Variants in KIRREL3 observed in about 807,000 individuals in gnomAD.
KIRREL3 encodes the protein kin of IRRE-like protein 3.
KIRREL3 carries 36 observed loss-of-function variants against 89.7 expected under a neutral mutation model. The ratio of observed to expected loss-of-function variants is 0.40; its 90% CI spans 0.31 to 0.53. The LOEUF is 0.53. Among genes scored for constraint, KIRREL3 ranks in the 20% least tolerant of loss-of-function variants. The probability of loss-of-function intolerance (pLI) is 0.49; values close to 1 mark genes in which losing one functional copy is unlikely to be tolerated. For synonymous variants in KIRREL3, 445 were observed against 441.4 expected (o/e 1.01, Z -0.10); for missense variants, 864 against 1,056.6 (o/e 0.82, Z 2.53).
In KIRREL3 at chr11:126,428,926, C is replaced by T. The variant is rs963469579; in HGVS notation, c.1806+253G>A. Among the ~76,000 whole-genome samples the T allele has an allele frequency of 3.3e-5, 5 of 152,204 alleles. No homozygotes were observed. Among genetic ancestry groups the T allele is most frequent in the African/African-American group, 7.2e-5 (3 of 41,460 alleles). ...TCTCCCAAAGTGTTGGGATTGCAAG[C>T]GTGAGCCACTGCACCTGGCCTGGAC... On this transcript the variant is annotated intron_variant, in intron 15 of 16. Transcript: ENST00000525144. The surrounding 1 kb of genome is among the most constrained non-coding windows in gnomAD (Gnocchi z 6.4).
At chr11:126,851,260 G>GA (rs1944330280) in intron 1 of KIRREL3, among the ~76,000 whole-genome samples, 1 of 152,184 alleles carries the variant, frequency 6.6e-6, no homozygotes, top group Admixed American at 6.5e-5. Context: ...ACTTCACTTA[G>GA]ATGATGTGCT....
At position 126,900,782 on chromosome 11, in the gene KIRREL3, G is replaced by T. The variant is rs1481667758; in HGVS notation, c.55+99673C>A. On this transcript the variant is annotated intron_variant, in intron 1 of 16. Transcript: ENST00000525144. The surrounding 1 kb of genome is among the most constrained non-coding windows in gnomAD (Gnocchi z 4.4). ...AAAGTATTGATTGTATATCTTCAGG[G>T]CTGTTGAGCTCTTTCAGAGTATTCT... is the stretch of plus-strand genomic sequence containing the variant. Among the ~76,000 whole-genome samples the T allele has an allele frequency of 3.3e-5, 5 of 152,166 alleles. No homozygotes were observed. The highest frequency in any genetic ancestry group is 1.2e-4 in the African/African-American group (5 of 41,434).
In KIRREL3 at chr11:126,639,102, G is replaced by A. The variant is rs1394965077; in HGVS notation, c.56-76190C>T. On this transcript the variant is annotated intron_variant, in intron 1 of 16. Coordinates refer to ENST00000525144, the MANE Select transcript of KIRREL3 (RefSeq NM_032531.4). This position sits in a 1 kb window ranked among gnomAD's most constrained non-coding sequence, Gnocchi z 4.3. ...TTGCCAAAGTTTCCAGTTTCTTCAT[G>A]ACTTGGCCAGCCCCCCAATCATCCC... Among the ~76,000 whole-genome samples, 1 of 152,078 alleles carries A rather than the reference G, an allele frequency of 6.6e-6. No individual in the cohort carries two copies. The highest frequency in any genetic ancestry group is 1.5e-5 in the Non-Finnish European group (1 of 68,036).
chr11:126,483,817 G>C (rs572101037), intron 4 of KIRREL3, among the ~76,000 whole-genome samples: 2 of 152,282 alleles, frequency 1.3e-5, no homozygotes, highest in East Asian at 3.9e-4. Context: ...TAACTGGCTG[G>C]AATCCCAGCC....
chr11:126,880,039 C>T (rs572330870), intron 1 of KIRREL3, among the ~76,000 whole-genome samples: 38 of 152,292 alleles, frequency 2.5e-4, no homozygotes, highest in Admixed American at 4.6e-4. Flanking sequence ...TTTGGCTGCC[C>T]TACTTCTCTC....
rs192739553 is a variant in KIRREL3 at position 126,518,951 on chromosome 11, C to T, written c.433+2364G>A. ...CTGTCTTGCCTGGGGTTTTAGTTTG[C>T]TCAGGATGAATGGTTTTGGTGGAGC... On this transcript the variant is annotated intron_variant, in intron 4 of 16. Transcript: ENST00000525144. Among the ~76,000 whole-genome samples, 7 of 152,376 alleles carry T rather than the reference C, an allele frequency of 4.6e-5. No individual in the cohort carries two copies. The East Asian group carries it at 1.2e-3, about 25-fold the overall frequency.
At chr11:126,573,733 A>G (rs1257172185) in intron 1 of KIRREL3, among the ~76,000 whole-genome samples, 1 of 152,208 alleles carries the variant, frequency 6.6e-6, no homozygotes, top group Admixed American at 6.5e-5. Context: ...AGAGAGCTAG[A>G]TGGAGGCCCT....
intron 4 of KIRREL3, among the ~76,000 whole-genome samples, chr11:126,507,833 G>A (rs535584387): frequency 7.9e-5 from 12 of 152,304 alleles, no homozygotes; most frequent in Admixed American, 1.3e-4. Context: ...GGGAAGTCCC[G>A]GGGGACCCTG....
At chr11:126,937,854 G>A (rs1315608304) in intron 1 of KIRREL3, among the ~76,000 whole-genome samples, 1 of 152,166 alleles carries the variant, frequency 6.6e-6, no homozygotes, top group Non-Finnish European at 1.5e-5. Flanking sequence ...AGCAGGAATT[G>A]CACCACTGCA....
Position 126,578,455 on chromosome 11 carries a change from C to T in KIRREL3, c.56-15543G>A, listed in dbSNP as rs904740503. Among the ~76,000 whole-genome samples, 1 of 152,184 alleles carries T rather than the reference C, an allele frequency of 6.6e-6. No individual in the cohort carries two copies. The highest frequency in any genetic ancestry group is 1.5e-5 in the Non-Finnish European group (1 of 68,036). On this transcript the variant is annotated intron_variant, in intron 1 of 16. Coordinates refer to ENST00000525144, the MANE Select transcript of KIRREL3 (RefSeq NM_032531.4). This position sits in a 1 kb window ranked among gnomAD's most constrained non-coding sequence, Gnocchi z 4.9. ...ACTTCCACATGAACGTGACTCCGTG[C>T]CTACCTGCTAATAAGAGCGGGAGTG...
Position 126,459,535 on chromosome 11 carries a change from T to A in KIRREL3, c.743-3081A>T, listed in dbSNP as rs892994326. Among the ~76,000 whole-genome samples, 10 of 152,058 alleles carry A rather than the reference T, an allele frequency of 6.6e-5. No individual in the cohort carries two copies. The highest frequency in any genetic ancestry group is 2.2e-4 in the African/African-American group (9 of 41,374). ...TGTACAGAATATACATTTTCAGGAG[T>A]CTGCCAAGCTCCAGAGGTATAAATA... On this transcript the variant is annotated intron_variant, in intron 6 of 16. Coordinates refer to ENST00000525144, the MANE Select transcript of KIRREL3 (RefSeq NM_032531.4). The surrounding 1 kb of genome is among the most constrained non-coding windows in gnomAD (Gnocchi z 4.8).
At chr11:126,488,796 A>G (rs1292643982) in intron 4 of KIRREL3, among the ~76,000 whole-genome samples, 1 of 152,130 alleles carries the variant, frequency 6.6e-6, no homozygotes, top group African/African-American at 2.4e-5. Context: ...GATCCCCCCA[A>G]AATGACGATC....
Position 126,772,880 on chromosome 11 carries a change from C to A in KIRREL3, c.56-209968G>T, listed in dbSNP as rs1305312806. 6.6e-6 allele frequency among the ~76,000 whole-genome samples: 1 copy of A among 152,212 alleles called. No homozygotes were observed. Among genetic ancestry groups the A allele is most frequent in the East Asian group, 1.9e-4 (1 of 5,188 alleles). On this transcript the variant is annotated intron_variant, in intron 1 of 16. Transcript: ENST00000525144. The surrounding 1 kb of genome is among the most constrained non-coding windows in gnomAD (Gnocchi z 4.6). The stretch of plus-strand genomic sequence containing the variant: ...GGATCTTCATAATTTGGCCAGAAAC[C>A]TGCTTGGCCAACAATCTCCCCAGTG...
Position 126,982,083 on chromosome 11 carries a change from C to A in KIRREL3, c.55+18372G>T, listed in dbSNP as rs552779389. 2.6e-5 allele frequency among the ~76,000 whole-genome samples: 4 copies of A among 152,284 alleles called. No homozygotes were observed. In the South Asian group the frequency reaches 8.3e-4, roughly 32 times the overall value. On this transcript the variant is annotated intron_variant, in intron 1 of 16. Transcript: ENST00000525144. ...TTTTAATTCCCCAGAGCCCAGAGAT[C>A]CAGACCCAGCCTCAATGCTCCCACC... is the stretch of plus-strand genomic sequence containing the variant.
chr11:126,928,749 A>G (rs1231580412), intron 1 of KIRREL3, among the ~76,000 whole-genome samples: 1 of 151,984 alleles, frequency 6.6e-6, no homozygotes. Context: ...TTTTCTTTTT[A>G]AAGTTGGTTT....
intron 1 of KIRREL3, among the ~76,000 whole-genome samples, chr11:126,695,163 T>A (rs1591975188): frequency 6.6e-6 from 1 of 152,340 alleles, no homozygotes. Context: ...TATTTACTTT[T>A]TGGCCCTTTA....
At position 126,918,000 on chromosome 11, in the gene KIRREL3, G is replaced by A. The variant is rs1947108562; in HGVS notation, c.55+82455C>T. On this transcript the variant is annotated intron_variant, in intron 1 of 16. Transcript: ENST00000525144. This position sits in a 1 kb window ranked among gnomAD's most constrained non-coding sequence, Gnocchi z 5.0. Reference sequence around the variant, plus strand: ...ATCTCTCCAAGCTGGGTTTCCATAAGACTCCACACTGATCTCTGGCATGTT... The same window carrying A: ...ATCTCTCCAAGCTGGGTTTCCATAAAACTCCACACTGATCTCTGGCATGTT... Among the ~76,000 whole-genome samples the A allele has an allele frequency of 6.6e-6, 1 of 152,128 alleles. No homozygotes were observed. Among genetic ancestry groups the A allele is most frequent in the Admixed American group, 6.5e-5 (1 of 15,272 alleles).
At chr11:126,511,039 C>CTGCAG (rs1958202130) in intron 4 of KIRREL3, among the ~76,000 whole-genome samples, 1 of 125,158 alleles carries the variant, frequency 8.0e-6, no homozygotes, top group Non-Finnish European at 1.7e-5. Flanking sequence ...CCCTGGAGAT[C>CTGCAG]TGCAGTGCTG....
At chr11:126,572,053 T>A (rs1171897755) in intron 1 of KIRREL3, among the ~76,000 whole-genome samples, 1 of 152,240 alleles carries the variant, frequency 6.6e-6, no homozygotes, top group Non-Finnish European at 1.5e-5. Context: ...TGGGGCCAGA[T>A]GCTCGACAGC....
Sources: gnomAD v4.1 joint callset for allele counts (sites outside exome capture counted in the v4.1 genomes callset) on GRCh38, gnomAD v4.1.1 for gene constraint, Gnocchi (gnomAD v3.1) non-coding constraint, MANE v1.5 for transcripts, NCBI Gene and HGNC (gene_info 2026-07-23, HGNC 2026-07-21) for gene names.